Variants in ASPH observed in about 807,000 individuals in gnomAD.
ASPH encodes the protein aspartyl/asparaginyl beta-hydroxylase.
A neutral mutation model predicts 118.4 loss-of-function variants in ASPH; 100 were observed. That is an observed-to-expected ratio of 0.84 (90% CI 0.72 to 1.00). The LOEUF (loss-of-function observed/expected upper bound fraction) is 1.00. ASPH is among the 50% of genes least tolerant of loss of function. The pLI, the probability that ASPH is intolerant of heterozygous loss-of-function variation, is 0.00. For synonymous variants in ASPH, 315 were observed against 325.6 expected (o/e 0.97, Z 0.35); for missense variants, 920 against 919.5 (o/e 1.00, Z -0.01).
chr8:61,630,305 T>G (rs1440072993), intron 13 of ASPH, among the ~76,000 whole-genome samples: 1 of 152,066 alleles, frequency 6.6e-6, no homozygotes, highest in African/African-American at 2.4e-5. Context: ...ATAAAAGAAT[T>G]TTAAAGATTG....
At chr8:61,688,587 CATT>C (rs894222956) in intron 1 of ASPH, among the ~76,000 whole-genome samples, 14 of 152,182 alleles carry the variant, frequency 9.2e-5, no homozygotes, top group African/African-American at 3.4e-4. Context: ...TTTTAGTTAG[CATT>C]ATGTTGGGAA....
At chr8:61,658,458 A>G (rs1814938393) in intron 3 of ASPH, 1 of 152,162 alleles carries the variant, frequency 6.6e-6, no homozygotes, top group Non-Finnish European at 1.5e-5. Context: ...AATACAGTTC[A>G]AGGACATGCA....
chr8:61,598,408 AAAG>A (rs1207172997), intron 14 of ASPH, among the ~76,000 whole-genome samples: 1 of 152,210 alleles, frequency 6.6e-6, no homozygotes, highest in Non-Finnish European at 1.5e-5. Flanking sequence ...AAAAAGAAAC[AAAG>A]AAGGTCATTA....
intron 10 of ASPH, among the ~76,000 whole-genome samples, chr8:61,640,032 A>G (rs1056395904): frequency 2.0e-5 from 3 of 152,120 alleles, no homozygotes; most frequent in Non-Finnish European, 4.4e-5. Flanking sequence ...GGTTTAAACT[A>G]TCATATCTGT....
At chr8:61,576,690 A>T (rs999042275) in intron 16 of ASPH, 82 bp downstream of exon 16, 11 of 1,231,124 alleles carry the variant, frequency 8.9e-6, no homozygotes, top group Non-Finnish European at 1.3e-5. Flanking sequence ...TAGAAAGGGA[A>T]AATAGTGAGG....
intron 3 of ASPH, among the ~76,000 whole-genome samples, chr8:61,679,023 C>T (rs1290423864): frequency 1.3e-5 from 2 of 152,062 alleles, no homozygotes; most frequent in Non-Finnish European, 2.9e-5. Flanking sequence ...TCTCACAAAC[C>T]AGAAAAGAAC....
intron 24 of ASPH, among the ~76,000 whole-genome samples, chr8:61,509,864 A>G (rs1161444304): frequency 6.6e-6 from 1 of 152,008 alleles, no homozygotes; most frequent in East Asian, 1.9e-4. Context: ...TCCCAGCTCC[A>G]GGCCTATCAA....
chr8:61,655,325 G>A (rs767780344), intron 3 of ASPH, among the ~76,000 whole-genome samples: 4 of 152,144 alleles, frequency 2.6e-5, no homozygotes, highest in South Asian at 2.1e-4. Flanking sequence ...CCAGAGATCC[G>A]TATTTCTGCT....
Position 61,651,166 on chromosome 8 carries a change from C to T in ASPH, c.416-42G>A. ...ACATAGCTAAGTAGAAAAGCTCAAA[C>T]ATCAACATGGACCCCTAACACTCAA... is the stretch of plus-strand genomic sequence containing the variant. On this transcript the variant is annotated intron_variant, in intron 4 of 24. Transcript: ENST00000379454. 4 of 1,515,666 alleles carry T rather than the reference C, an allele frequency of 2.6e-6. 1 individual carries two copies. Among genetic ancestry groups the T allele is most frequent in the African/African-American group, 2.7e-5 (2 of 72,924 alleles). 93.9% of individuals were successfully genotyped at this position (1,515,666 alleles called of 1,614,324 possible).
At chr8:61,598,098 T>C (rs1040788829) in intron 14 of ASPH, among the ~76,000 whole-genome samples, 23 of 151,904 alleles carry the variant, frequency 1.5e-4, no homozygotes, top group African/African-American at 5.6e-4. Flanking sequence ...AAGAAAACAA[T>C]TAACAAAATG....
At chr8:61,662,731 G>T in intron 3 of ASPH, 1 of 503,480 alleles carries the variant, frequency 2.0e-6, no homozygotes, top group Non-Finnish European at 2.6e-6. Flanking sequence ...TAGTCTACAA[G>T]TGCTTTTAAA....
chr8:61,668,798 T>G (rs962976576), intron 3 of ASPH, among the ~76,000 whole-genome samples: 1 of 152,252 alleles, frequency 6.6e-6, no homozygotes, highest in Non-Finnish European at 1.5e-5. Flanking sequence ...GACAGTATTA[T>G]GTACATACAT....
At chr8:61,711,401 G>C (rs547328285) in intron 1 of ASPH, among the ~76,000 whole-genome samples, 11 of 152,168 alleles carry the variant, frequency 7.2e-5, no homozygotes, top group Admixed American at 4.6e-4. Context: ...AACTGGCCAT[G>C]CAAGTCCAGT....
chr8:61,624,431 A>C, intron 13 of ASPH: 3 of 984,664 alleles, frequency 3.0e-6, no homozygotes, highest in Non-Finnish European at 3.6e-6. Flanking sequence ...GATTTTAGTT[A>C]TCAAAAATGC....
intron 2 of ASPH, 104 bp downstream of exon 2, chr8:61,683,935 T>C: frequency 7.5e-7 from 1 of 1,336,602 alleles, no homozygotes. Context: ...ACTGAAAGGC[T>C]ATAGAAATTA....
intron 16 of ASPH, among the ~76,000 whole-genome samples, chr8:61,570,063 C>T (rs1477284532): frequency 6.6e-6 from 1 of 152,172 alleles, no homozygotes; most frequent in East Asian, 1.9e-4. Flanking sequence ...GACGGGTTTA[C>T]ACCTCATGGT....
intron 14 of ASPH, among the ~76,000 whole-genome samples, chr8:61,586,456 T>C (rs964402419): frequency 6.6e-6 from 1 of 152,130 alleles, no homozygotes; most frequent in African/African-American, 2.4e-5. Flanking sequence ...ATTGTCCAAA[T>C]CAGAAACTTG....
At chr8:61,543,886 C>A (rs1037504228) in intron 21 of ASPH, among the ~76,000 whole-genome samples, 9 of 152,046 alleles carry the variant, frequency 5.9e-5, no homozygotes, top group Non-Finnish European at 5.9e-5. Flanking sequence ...TTGCTCTGGG[C>A]ACTTGTAATG....
intron 19 of ASPH, among the ~76,000 whole-genome samples, chr8:61,554,308 T>C (rs1827062952): frequency 6.6e-6 from 1 of 152,180 alleles, no homozygotes; most frequent in Non-Finnish European, 1.5e-5. Flanking sequence ...CATAATTATA[T>C]AAAAATGCTC....
Sources: gnomAD v4.1 joint callset for allele counts (sites outside exome capture counted in the v4.1 genomes callset) on GRCh38, gnomAD v4.1.1 for gene constraint, MANE v1.5 for transcripts, NCBI Gene and HGNC (gene_info 2026-07-23, HGNC 2026-07-21) for gene names.